Variants in CCT2 observed in about 807,000 individuals in gnomAD.
CCT2 encodes chaperonin containing TCP1 subunit 2.
A neutral mutation model predicts 61.8 loss-of-function variants in CCT2; 18 were observed. That is an observed-to-expected ratio of 0.29 (90% CI 0.20 to 0.43). The LOEUF (loss-of-function observed/expected upper bound fraction) is 0.43, where lower values mean the gene tolerates loss of function less well. CCT2 is among the 20% of genes least tolerant of loss of function. The pLI is 1.00. For missense variants in CCT2, 556 were observed against 656.9 expected (o/e 0.85, Z 1.68); for synonymous variants, 248 against 215.9 (o/e 1.15, Z -1.30).
chr12:69,592,933 AAAT>A (rs759937059), intron 8 of CCT2, 40 bp from the exon 9 acceptor site: 1 of 1,593,836 alleles, frequency 6.3e-7, no homozygotes, highest in Non-Finnish European at 8.5e-7. Flanking sequence ...ATCTCAAAAA[AAAT>A]AATGAAACTG....
At position 69,585,491 on chromosome 12, in the gene CCT2, G is replaced by A. The variant is rs773761894; in HGVS notation, c.-31G>A. ...TGGTCCCGAGCACGAGCTGTGAGGG[G>A]ATTCACTTGTGTGCGGAACTCCTCG... On this transcript the variant is annotated 5_prime_UTR_variant, in exon 1 of 16. Coordinates refer to ENST00000299300, the MANE Select transcript of CCT2 (RefSeq NM_006431.3). 1.9e-6 allele frequency: 3 copies of A among 1,561,324 alleles called. No individual in the cohort carries two copies. Among genetic ancestry groups the A allele is most frequent in the African/African-American group, 1.4e-5 (1 of 73,712 alleles).
intron 11 of CCT2, 46 bp downstream of exon 11, chr12:69,597,321 A>T (rs1384769103): frequency 4.4e-6 from 7 of 1,606,932 alleles, no homozygotes; most frequent in Non-Finnish European, 6.0e-6. Flanking sequence ...AATTCTTGCT[A>T]GGCTCTGTTG....
At chr12:69,593,643 A>G (rs774788331) in intron 10 of CCT2, 30 bp downstream of exon 10, 18 of 1,289,382 alleles carry the variant, frequency 1.4e-5, no homozygotes, top group Non-Finnish European at 1.9e-5. Flanking sequence ...TTTTCTAACA[A>G]ACACAATAGT....
rs1235147487 is a variant in CCT2, at chr12:69,597,140, A to T, written c.983-16A>T. On this transcript the variant is annotated splice_polypyrimidine_tract_variant and intron_variant, in intron 10 of 15. Coordinates refer to ENST00000299300, the MANE Select transcript of CCT2 (RefSeq NM_006431.3). ...AGCCTGCTGTGCATTTAACTAATAC[A>T]TGTTTATGTTTATAGGTGGTGAAAT... The T allele has an allele frequency of 6.2e-7, 1 of 1,611,782 alleles. No individual in the cohort carries two copies. The highest frequency in any genetic ancestry group is 1.1e-5 in the South Asian group (1 of 90,890).
intron 8 of CCT2, chr12:69,592,436 TTG>T: frequency 4.9e-6 from 1 of 206,168 alleles, no homozygotes; most frequent in Non-Finnish European, 9.7e-6. Context: ...TGAGCCGAGA[TTG>T]TGCTACTGCA....
chr12:69,597,938 G>A, intron 12 of CCT2, 30 bp from the exon 13 acceptor site: 2 of 1,556,982 alleles, frequency 1.3e-6, no homozygotes, highest in African/African-American at 1.4e-5. Context: ...ACTAAGCATT[G>A]CAATATTTTA....
intron 1 of CCT2, 95 bp downstream of exon 1, chr12:69,585,619 G>C: frequency 1.3e-6 from 2 of 1,547,682 alleles, no homozygotes; most frequent in South Asian, 2.4e-5. Context: ...CGTAGGCTCC[G>C]TTTCTGTCTC....
At position 69,586,297 on chromosome 12, in the gene CCT2, A is replaced by G; in HGVS notation, c.31A>G (p.Ile11Val). The change falls in exon 2 of 16, where the codon ATC (isoleucine) becomes GTC (valine). Residue 11 changes from isoleucine to valine, a missense_variant. This residue lies in a region of CCT2 where 308 missense variants were observed against 350.6 expected (regional missense o/e 0.88). Coordinates refer to ENST00000299300, the MANE Select transcript of CCT2 (RefSeq NM_006431.3). The part of the protein sequence containing the change: MASLSLAPVN[I>V]FKAGADEERA... Reference sequence around the variant, plus strand: ...GTCCCTTTCCCTTGCACCTGTTAACATCTTTAAGGCAGGAGCTGATGAAGA... The same window carrying G: ...GTCCCTTTCCCTTGCACCTGTTAACGTCTTTAAGGCAGGAGCTGATGAAGA... The G allele has an allele frequency of 6.2e-7, 1 of 1,613,744 alleles. No individual in the cohort carries two copies. Among genetic ancestry groups the G allele is most frequent in the Non-Finnish European group, 8.5e-7 (1 of 1,179,668 alleles).
intron 6 of CCT2, 35 bp from the exon 7 acceptor site, chr12:69,589,450 A>G: frequency 6.6e-7 from 1 of 1,504,576 alleles, no homozygotes; most frequent in Non-Finnish European, 9.2e-7. Context: ...AAAGTAAAGT[A>G]GGGTTAATAT....
rs781734175 is a variant in CCT2 at position 69,585,488 on chromosome 12, G to T, written c.-34G>T. The T allele has an allele frequency of 1.3e-6, 2 of 1,560,150 alleles. No homozygotes were observed. The highest frequency in any genetic ancestry group is 2.4e-5 in the South Asian group (2 of 84,718). On this transcript the variant is annotated 5_prime_UTR_variant, in exon 1 of 16. It adds an upstream start codon to the 5' untranslated region. Transcript: ENST00000299300. ...CGCTGGTCCCGAGCACGAGCTGTGA[G>T]GGGATTCACTTGTGTGCGGAACTCC...
chr12:69,586,513 C>A (rs1429615142), intron 2 of CCT2, among the ~76,000 whole-genome samples, 169 bp downstream of exon 2: 1 of 152,008 alleles, frequency 6.6e-6, no homozygotes, highest in Non-Finnish European at 1.5e-5. Context: ...ACTAGAAATA[C>A]AAAAATTAGC....
At chr12:69,593,248 G>A (rs1004062362) in intron 9 of CCT2, 145 bp downstream of exon 9, 8 of 744,120 alleles carry the variant, frequency 1.1e-5, no homozygotes, top group Non-Finnish European at 1.3e-5. Context: ...TCAGTAAATT[G>A]TGATTTATGC....
intron 10 of CCT2, among the ~76,000 whole-genome samples, chr12:69,594,377 A>G (rs1881926092): frequency 2.0e-5 from 3 of 152,194 alleles, no homozygotes; most frequent in African/African-American, 4.8e-5. Flanking sequence ...GTACTGAAAC[A>G]TTGCTTTTGT....
chr12:69,597,040 A>G (rs1882012879), intron 10 of CCT2, 116 bp from the exon 11 acceptor site: 1 of 844,440 alleles, frequency 1.2e-6, no homozygotes, highest in African/African-American at 1.7e-5. Context: ...ATAATCAGCA[A>G]TCAATTTTTA....
chr12:69,595,921 C>G (rs1389254226), intron 10 of CCT2, among the ~76,000 whole-genome samples: 2 of 152,228 alleles, frequency 1.3e-5, no homozygotes, highest in Middle Eastern at 3.4e-3. Flanking sequence ...AAATAAATGT[C>G]TTGCACTGGG....
intron 4 of CCT2, 67 bp downstream of exon 4, chr12:69,587,683 A>G: frequency 9.7e-7 from 1 of 1,026,542 alleles, no homozygotes; most frequent in Non-Finnish European, 1.5e-6. Flanking sequence ...AAATAACTTT[A>G]TAAATAGGCT....
At chr12:69,586,857 T>G (rs767303315) in intron 3 of CCT2, 39 bp downstream of exon 3, 10 of 1,243,762 alleles carry the variant, frequency 8.0e-6, no homozygotes, top group Admixed American at 2.2e-5. Flanking sequence ...TAATATTGTT[T>G]TAGAGCGCTT....
intron 15 of CCT2, among the ~76,000 whole-genome samples, chr12:69,600,964 A>G (rs1882130388): frequency 6.6e-6 from 1 of 152,220 alleles, no homozygotes; most frequent in Non-Finnish European, 1.5e-5. Context: ...AAGGCAGAAC[A>G]GTCCTGATGT....
chr12:69,592,202 C>G, intron 8 of CCT2, 43 bp downstream of exon 8: 4 of 1,119,888 alleles, frequency 3.6e-6, no homozygotes, highest in Non-Finnish European at 5.4e-6. Context: ...ACTGCCCAGG[C>G]AGAGTGGCTC....
Sources: allele counts gnomAD v4.1 joint callset (sites outside exome capture counted in the v4.1 genomes callset), GRCh38; gene constraint gnomAD v4.1.1; regional missense constraint gnomAD v4.1.1; transcripts MANE v1.5; gene names NCBI Gene and HGNC (gene_info 2026-07-23, HGNC 2026-07-21).